Variants in GALNT13 observed in about 807,000 individuals in gnomAD.
The protein encoded by GALNT13 is polypeptide N-acetylgalactosaminyltransferase 13.
Under a neutral mutation model 64.2 loss-of-function variants are expected in GALNT13, and 28 were observed. The ratio of observed to expected loss-of-function variants is 0.44; its 90% CI spans 0.32 to 0.60. The LOEUF (loss-of-function observed/expected upper bound fraction) is 0.60, where lower values mean the gene tolerates loss of function less well. GALNT13 is among the 20% of genes least tolerant of loss of function. GALNT13 has a pLI of 0.05. For synonymous variants in GALNT13, 214 were observed against 224.6 expected (o/e 0.95, Z 0.42); for missense variants, 577 against 669.8 (o/e 0.86, Z 1.53).
At chr2:153,801,691 A>T in the GALNT13 span, among the ~76,000 whole-genome samples, 1 of 152,220 alleles carries the variant, frequency 6.6e-6, no homozygotes, top group African/African-American at 2.4e-5. Context: ...ACTAAATGTG[A>T]CACAGAGACA....
the GALNT13 span, among the ~76,000 whole-genome samples, chr2:153,332,534 G>GTTTTTTTTTTTTTTT: frequency 3.7e-5 from 5 of 136,260 alleles, no homozygotes; most frequent in Non-Finnish European, 4.7e-5. Context: ...TGAGAGTATT[G>GTTTTTTTTTTTTTTT]TTTTTTTTTT....
At chr2:153,367,331 G>A in the GALNT13 span, among the ~76,000 whole-genome samples, 1 of 152,078 alleles carries the variant, frequency 6.6e-6, no homozygotes, top group Admixed American at 6.6e-5. Flanking sequence ...CAGATGTGAA[G>A]CAGTATGACA....
the GALNT13 span, among the ~76,000 whole-genome samples, chr2:153,428,137 G>A: frequency 5.1e-4 from 78 of 152,278 alleles, no homozygotes; most frequent in Middle Eastern, 6.8e-3. Context: ...TGTGCAGTGG[G>A]CAAGGTTGCT....
chr2:154,289,900 C>T (rs759969823), intron 8 of GALNT13, among the ~76,000 whole-genome samples: 2 of 152,184 alleles, frequency 1.3e-5, no homozygotes, highest in Non-Finnish European at 2.9e-5. Context: ...TGCCTCTGCT[C>T]ATAATCAGAA....
the GALNT13 span, among the ~76,000 whole-genome samples, chr2:153,342,392 C>T: frequency 1.1e-4 from 17 of 152,108 alleles, no homozygotes; most frequent in Non-Finnish European, 1.6e-4. Flanking sequence ...ATTTGCTAAG[C>T]AGAAGACACT....
At chr2:153,794,976 T>A in the GALNT13 span, among the ~76,000 whole-genome samples, 1 of 152,188 alleles carries the variant, frequency 6.6e-6, no homozygotes, top group African/African-American at 2.4e-5. Flanking sequence ...TAGTTCCATT[T>A]TTTTCTTTGC....
chr2:154,218,996 G>A (rs1688188716), intron 4 of GALNT13, among the ~76,000 whole-genome samples: 1 of 151,830 alleles, frequency 6.6e-6, no homozygotes, highest in Admixed American at 6.6e-5. Context: ...TCCTCATTGG[G>A]TATCTCTTAT....
At chr2:153,117,890 C>G in the GALNT13 span, among the ~76,000 whole-genome samples, 2 of 152,126 alleles carry the variant, frequency 1.3e-5, no homozygotes, top group Non-Finnish European at 2.9e-5. Context: ...TAAGCAGTCC[C>G]TCTGCCGTGC....
the GALNT13 span, among the ~76,000 whole-genome samples, chr2:153,826,521 C>G: frequency 6.6e-6 from 1 of 152,132 alleles, no homozygotes; most frequent in Non-Finnish European, 1.5e-5. Flanking sequence ...TCTTACTTCC[C>G]CTACAAGTGT....
intron 8 of GALNT13, among the ~76,000 whole-genome samples, chr2:154,298,482 T>TATATATAC (rs1162696333): frequency 3.6e-4 from 41 of 114,260 alleles, no homozygotes; most frequent in African/African-American, 4.5e-4. Flanking sequence ...ATATATAAAT[T>TATATATAC]ATATATAAAT....
intron 3 of GALNT13, among the ~76,000 whole-genome samples, chr2:154,125,292 G>A (rs1682193979): frequency 6.6e-6 from 1 of 152,134 alleles, no homozygotes; most frequent in Non-Finnish European, 1.5e-5. Flanking sequence ...TTTGGTAGGT[G>A]AGGTAGAGCT....
At chr2:154,168,395 A>G (rs1685153149) in intron 4 of GALNT13, among the ~76,000 whole-genome samples, 1 of 152,154 alleles carries the variant, frequency 6.6e-6, no homozygotes, top group Non-Finnish European at 1.5e-5. Context: ...CATTATGGAA[A>G]GTAATCTGCT....
rs190666297 is a variant in GALNT13 at position 154,021,071 on chromosome 2, C to G, written c.142+76432C>G. The stretch of plus-strand genomic sequence containing the variant: ...CTCCATTGGTCTATATCTCTGTTTT[C>G]GTACCAGTACCATGCTGTTTTGGTT... On this transcript the variant is annotated intron_variant, in intron 3 of 12. Transcript: ENST00000392825. Among the ~76,000 whole-genome samples, 242 of 152,160 alleles carry G rather than the reference C, an allele frequency of 1.6e-3. 2 individuals are homozygous for G. The highest frequency in any genetic ancestry group is 4.8e-3 in the African/African-American group (200 of 41,522).
At chr2:154,447,586 A>G (rs910488580) in intron 12 of GALNT13, among the ~76,000 whole-genome samples, 1 of 151,968 alleles carries the variant, frequency 6.6e-6, no homozygotes, top group Non-Finnish European at 1.5e-5. Flanking sequence ...ATGAGAACAC[A>G]AGGAAGATTG....
At chr2:154,096,030 T>C (rs1702057141) in intron 3 of GALNT13, among the ~76,000 whole-genome samples, 1 of 152,004 alleles carries the variant, frequency 6.6e-6, no homozygotes, top group Non-Finnish European at 1.5e-5. Flanking sequence ...GAACAGGTAT[T>C]ATATTCTATA....
chr2:153,144,732 T>G, the GALNT13 span, among the ~76,000 whole-genome samples: 2 of 151,872 alleles, frequency 1.3e-5, no homozygotes, highest in South Asian at 4.1e-4. Context: ...AAAATGTTCA[T>G]GTCTGGGGAA....
rs111405362 is a variant in GALNT13, at chr2:154,439,097, C to T, written c.1530+371C>T. Among the ~76,000 whole-genome samples the T allele has an allele frequency of 9.8e-3, 1,484 of 152,204 alleles. 26 individuals are homozygous for T. The highest frequency in any genetic ancestry group is 0.034 in the African/African-American group (1,394 of 41,540). On this transcript the variant is annotated intron_variant, in intron 12 of 12. Coordinates refer to ENST00000392825, the MANE Select transcript of GALNT13 (RefSeq NM_052917.4). ...CCATATTTTCAAATTTTAAATTTTA[C>T]AATACTAATCACTGACATTTATGTT...
chr2:154,358,091 AC>A (rs1358147846), intron 9 of GALNT13, among the ~76,000 whole-genome samples: 5 of 152,014 alleles, frequency 3.3e-5, no homozygotes, highest in African/African-American at 4.8e-5. Context: ...GGAACACTCA[AC>A]TTCTTGAAAT....
At chr2:153,223,837 G>A in the GALNT13 span, among the ~76,000 whole-genome samples, 1 of 152,154 alleles carries the variant, frequency 6.6e-6, no homozygotes, top group East Asian at 1.9e-4. Context: ...AGGTGTGGTG[G>A]CACCTGCCTA....
Sources: allele counts gnomAD v4.1 joint callset (sites outside exome capture counted in the v4.1 genomes callset), GRCh38; gene constraint gnomAD v4.1.1; transcripts MANE v1.5; gene names NCBI Gene and HGNC (gene_info 2026-07-23, HGNC 2026-07-21).